The following CHEK1 variants were observed in gnomAD, a reference collection of about 807,000 sequenced individuals.
The protein encoded by CHEK1 is checkpoint kinase 1.
In CHEK1, 32 loss-of-function variants were observed where a neutral mutation model predicts 60.2. The ratio of observed to expected loss-of-function variants is 0.53; its 90% CI spans 0.40 to 0.71. The LOEUF (loss-of-function observed/expected upper bound fraction) is 0.71. CHEK1 is among the 30% of genes least tolerant of loss of function. CHEK1 has a pLI of 0.00. For missense variants in CHEK1, 399 were observed against 564.6 expected (o/e 0.71, Z 2.97); for synonymous variants, 179 against 187.2 (o/e 0.96, Z 0.36).
At chr11:125,650,570 CCTCAGCCTTCCAAGTAT>C (rs1298593470) in intron 11 of CHEK1, among the ~76,000 whole-genome samples, 1 of 151,206 alleles carries the variant, frequency 6.6e-6, no homozygotes, top group Admixed American at 6.6e-5. Flanking sequence ...GAGTCTCCTG[CCTCAGCCTTCCAAGTAT>C]CTGGGACTAC....
intron 13 of CHEK1, chr11:125,672,431 A>T: frequency 1.3e-6 from 1 of 771,790 alleles, no homozygotes; most frequent in South Asian, 1.9e-5. Flanking sequence ...GGATAAAAGC[A>T]TGAATAGAAG....
downstream of CHEK1, among the ~76,000 whole-genome samples, chr11:125,680,439 G>C (rs551618078): frequency 4.6e-5 from 7 of 152,290 alleles, no homozygotes; most frequent in East Asian, 1.3e-3. Flanking sequence ...GGCTTCTACA[G>C]AACCCCTAAG....
rs867553022 is a variant in CHEK1 at position 125,632,905 on chromosome 11, C to G, written c.425-258C>G. 5.3e-5 allele frequency among the ~76,000 whole-genome samples: 8 copies of G among 152,300 alleles called. No individual in the cohort carries two copies. The South Asian group carries it at 1.7e-3, about 32-fold the overall frequency. On this transcript the variant is annotated intron_variant, in intron 5 of 12. Transcript: ENST00000438015. ...TCTGACTCCAGCCTCTTTCTTTAAT[C>G]TGGTCCAGACTGTTCTGTGTGTTGA...
Position 125,629,424 on chromosome 11 carries a change from G to A in CHEK1, c.388G>A (p.Asp130Asn). 6.2e-7 allele frequency: 1 copy of A among 1,613,540 alleles called. No homozygotes were observed. Among genetic ancestry groups the A allele is most frequent in the South Asian group, 1.1e-5 (1 of 91,020 alleles). Residue 130 changes from aspartate to asparagine, a missense_variant, in exon 5 of 13, where the codon GAT becomes AAT. Around this residue, in one of 2 missense-constraint regions of CHEK1, gnomAD observed 370 missense variants for 494.8 expected, o/e 0.75. Coordinates refer to ENST00000438015, the MANE Select transcript of CHEK1 (RefSeq NM_001114122.3). ...YLHGIGITHR[D>N]IKPENLLLDE... ...GCATGGTATTGGAATAACTCACAGG[G>A]ATATTAAACCAGAAAATCTTCTGTT...
Position 125,633,370 on chromosome 11 carries a change from T to C in CHEK1, c.613+19T>C, listed in dbSNP as rs1429864404. On this transcript the variant is annotated intron_variant, in intron 6 of 12. Transcript: ENST00000438015. ...GCTGGAGGTAAGAGCTATTTAATCA[T>C]GGTAAAACTCCTATAAAAAGTCAGA... 4 of 1,504,718 alleles carry C rather than the reference T, an allele frequency of 2.7e-6. No homozygotes were observed. The South Asian group carries it at 4.2e-5, about 16-fold the overall frequency. The allele number at this position is 1,504,718 out of a possible 1,614,324, so 93.2% of individuals were successfully genotyped here.
Position 125,625,886 on chromosome 11 carries a change from C to A in CHEK1, c.-147C>A, listed in dbSNP as rs749034825. 8 of 702,548 alleles carry A rather than the reference C, an allele frequency of 1.1e-5. No homozygotes were observed. The Admixed American group carries it at 1.2e-4, about 11-fold the overall frequency. 43.5% of individuals were successfully genotyped at this position (702,548 alleles called of 1,614,324 possible). A position where few individuals can be genotyped will look rare whatever the true frequency, so the allele number is the denominator to read the frequency against. ...GCCGCCGACATTCAGAGGGGCAGGA[C>A]ACGGGAACGCGCGCTGTCTTGCTTT... On this transcript the variant is annotated 5_prime_UTR_variant, in exon 1 of 13. Coordinates refer to ENST00000438015, the MANE Select transcript of CHEK1 (RefSeq NM_001114122.3).
Position 125,643,862 on chromosome 11 carries a change from A to T in CHEK1, c.885A>T (p.Gln295His). ...ESPSGFSKHIQSNLDFSPVNS... is the reference protein window; with the variant it reads ...ESPSGFSKHIHSNLDFSPVNS... ...CCAGTGGATTTTCTAAGCACATTCA[A>T]TCCAATTTGGACTTCTCTCCAGTAA... Residue 295 changes from glutamine to histidine, a missense_variant, in exon 9 of 13, where the codon CAA (glutamine) becomes CAT (histidine). This residue lies in a region of CHEK1 where 370 missense variants were observed against 494.8 expected (regional missense o/e 0.75). Transcript: ENST00000438015. 1 of 1,614,178 alleles carries T rather than the reference A, an allele frequency of 6.2e-7. No individual in the cohort carries two copies. Among genetic ancestry groups the T allele is most frequent in the Non-Finnish European group, 8.5e-7 (1 of 1,180,028 alleles).
rs563957276 is a variant in CHEK1, at chr11:125,653,941, A to G, written c.1335+94A>G. ...GTTTGTATATATGTGGCATTTGTAA[A>G]TAGGTTACTTGCTTTTTTCGTTTAA... On this transcript the variant is annotated intron_variant, in intron 12 of 12. Coordinates refer to ENST00000438015, the MANE Select transcript of CHEK1 (RefSeq NM_001114122.3). This position sits in a 1 kb window ranked among gnomAD's most constrained non-coding sequence, Gnocchi z 4.3. 2.6e-5 allele frequency: 17 copies of G among 652,486 alleles called. No individual in the cohort carries two copies. Among genetic ancestry groups the G allele is most frequent in the Admixed American group, 1.6e-4 (5 of 32,000 alleles). The allele number at this position is 652,486 out of a possible 1,614,324, so 40.4% of individuals were successfully genotyped here. A position where few individuals can be genotyped will look rare whatever the true frequency, so the allele number is the denominator to read the frequency against.
chr11:125,666,808 C>T (rs1942107273), intron 13 of CHEK1, among the ~76,000 whole-genome samples: 1 of 151,888 alleles, frequency 6.6e-6, no homozygotes, highest in Admixed American at 6.6e-5. Flanking sequence ...ACAGGTAATC[C>T]TGGTCTTTTT....
chr11:125,669,130 C>G (rs1272071603), intron 13 of CHEK1, among the ~76,000 whole-genome samples: 1 of 152,030 alleles, frequency 6.6e-6, no homozygotes, highest in Non-Finnish European at 1.5e-5. Flanking sequence ...CACATCTTTA[C>G]TATATCTGGA....
At chr11:125,634,151 C>T (rs1940975024) in intron 6 of CHEK1, among the ~76,000 whole-genome samples, 1 of 151,910 alleles carries the variant, frequency 6.6e-6, no homozygotes, top group Admixed American at 6.6e-5. Context: ...TGCATCATCA[C>T]ACCCGGCTAA....
At chr11:125,633,998 G>GTTTTT (rs10626345) in intron 6 of CHEK1, among the ~76,000 whole-genome samples, 2,925 of 126,908 alleles carry the variant, frequency 0.023, 121 homozygotes, top group African/African-American at 0.056. Context: ...CTCTATTGTG[G>GTTTTT]TTTTTTTTTT....
chr11:125,679,508 GTGTC>G (rs537861542), downstream of CHEK1, among the ~76,000 whole-genome samples: 185 of 152,290 alleles, frequency 1.2e-3, 2 homozygotes, highest in Non-Finnish European at 1.4e-3. Flanking sequence ...ATGAGCCACT[GTGTC>G]TGGCCAATCC....
intron 13 of CHEK1, chr11:125,672,794 T>C: frequency 2.6e-6 from 4 of 1,565,164 alleles, no homozygotes; most frequent in Non-Finnish European, 1.7e-6. Flanking sequence ...ATGCTCAGTG[T>C]CTCCATGCAG....
At chr11:125,679,291 C>T (rs1459641819), downstream of CHEK1, among the ~76,000 whole-genome samples, 1 of 144,912 alleles carries the variant, frequency 6.9e-6, no homozygotes, top group African/African-American at 2.6e-5. Flanking sequence ...AATCTTGGCT[C>T]ACTGCAACCT....
Position 125,625,597 on chromosome 11 carries a change from G to A in CHEK1, c.-436G>A, listed in dbSNP as rs867182459. ...GGTGCAGCCTTTCAGGCCCAGAGCG[G>A]CCAGGAGCGAAGCCCGCAGCCCCGC... On this transcript the variant is annotated 5_prime_UTR_variant, in exon 1 of 13. Transcript: ENST00000438015. 440 of 594,778 alleles carry A rather than the reference G, an allele frequency of 7.4e-4. 2 individuals carry two copies. Among genetic ancestry groups the A allele is most frequent in the Middle Eastern group, 2.7e-3 (6 of 2,264 alleles). 36.8% of individuals were successfully genotyped at this position (594,778 alleles called of 1,614,324 possible).
intron 8 of CHEK1, among the ~76,000 whole-genome samples, chr11:125,638,414 G>A (rs1941153194): frequency 6.6e-6 from 1 of 152,186 alleles, no homozygotes; most frequent in Non-Finnish European, 1.5e-5. Context: ...CTGTTAGGCT[G>A]TGAATGGAAG....
Position 125,635,436 on chromosome 11 carries a change from A to G in CHEK1, c.621A>G (p.Pro207=), listed in dbSNP as rs943367883. The G allele has an allele frequency of 1.1e-5, 18 of 1,576,754 alleles. No homozygotes were observed. The South Asian group carries it at 1.3e-4, about 12-fold the overall frequency. Residue 207 remains proline (P), a synonymous_variant, in exon 7 of 13, where the codon CCA becomes CCG. Coordinates refer to ENST00000438015, the MANE Select transcript of CHEK1 (RefSeq NM_001114122.3). ...VLTAMLAGEL[P]WDQPSDSCQE... ...GACTTGCTTTGTTTTTAGAATTGCC[A>G]TGGGACCAACCCAGTGACAGCTGTC... is the stretch of plus-strand genomic sequence containing the variant.
Position 125,639,395 on chromosome 11 carries a change from T to TA in CHEK1, c.814+1851_814+1852insA, listed in dbSNP as rs1189240511. On this transcript the variant is annotated intron_variant, in intron 8 of 12. Coordinates refer to ENST00000438015, the MANE Select transcript of CHEK1 (RefSeq NM_001114122.3). ...TAATACTTTTCTCTTTTTTTTTTTT[T>TA]TTTTTTTGAGACAGGGTCTAGGCTG... Among the ~76,000 whole-genome samples, 4 of 147,474 alleles carry TA rather than the reference T, an allele frequency of 2.7e-5. No individual in the cohort carries two copies. In the East Asian group the frequency reaches 7.8e-4, roughly 29 times the overall value.
Sources: allele counts gnomAD v4.1 joint callset (sites outside exome capture counted in the v4.1 genomes callset), GRCh38; gene constraint gnomAD v4.1.1; regional missense constraint gnomAD v4.1.1; non-coding constraint Gnocchi (gnomAD v3.1); transcripts MANE v1.5; gene names NCBI Gene and HGNC (gene_info 2026-07-23, HGNC 2026-07-21).